The following TENM2 variants were observed in gnomAD, a reference collection of about 807,000 sequenced individuals.
The protein encoded by TENM2 is teneurin transmembrane protein 2.
A neutral mutation model predicts 245.2 loss-of-function variants in TENM2; 52 were observed. The observed-to-expected ratio is 0.21, with a 90% confidence interval of 0.17 to 0.27. TENM2 has a LOEUF of 0.27. TENM2 is among the 10% of genes least tolerant of loss of function. The pLI, the probability that TENM2 is intolerant of heterozygous loss-of-function variation, is 1.00. For missense variants in TENM2, 3,046 were observed against 3,666.8 expected, an observed-to-expected ratio of 0.83 and a Z score of 4.37; for synonymous variants, 1,363 against 1,438.9, an observed-to-expected ratio of 0.95 and a Z score of 1.19.
the TENM2 span, among the ~76,000 whole-genome samples, chr5:167,181,664 CA>C: frequency 1.3e-5 from 2 of 151,884 alleles, no homozygotes; most frequent in South Asian, 4.1e-4. Flanking sequence ...CTACTTTTTG[CA>C]AATAAATATA....
chr5:167,433,769 A>G (rs978625929), intron 2 of TENM2, among the ~76,000 whole-genome samples: 3 of 152,232 alleles, frequency 2.0e-5, no homozygotes, highest in East Asian at 1.9e-4. Context: ...GATAAACTCT[A>G]AGAAACATTT....
At chr5:168,048,469 A>C (rs1788804758) in intron 6 of TENM2, among the ~76,000 whole-genome samples, 2 of 152,242 alleles carry the variant, frequency 1.3e-5, no homozygotes, top group African/African-American at 4.8e-5. Context: ...AGCAGCATTT[A>C]TTAGGCACCT....
At chr5:167,214,697 A>G in the TENM2 span, among the ~76,000 whole-genome samples, 40 of 152,302 alleles carry the variant, frequency 2.6e-4, no homozygotes, top group African/African-American at 8.9e-4. Flanking sequence ...CTGGGATTAG[A>G]TTAGAGATTG....
chr5:168,002,750 GTTAA>G (rs1469933051), intron 5 of TENM2, among the ~76,000 whole-genome samples: 9 of 152,184 alleles, frequency 5.9e-5, no homozygotes, highest in African/African-American at 1.9e-4. Flanking sequence ...TTAATTTTAT[GTTAA>G]TTAATTTACA....
At position 167,375,189 on chromosome 5, in the gene TENM2, T is replaced by C; in HGVS notation, c.227-9T>C. 6.5e-7 allele frequency: 1 copy of C among 1,549,626 alleles called. No individual in the cohort carries two copies. The highest frequency in any genetic ancestry group is 8.7e-7 in the Non-Finnish European group (1 of 1,146,494). Reference sequence around the variant, plus strand: ...ATTTTAATCAGCTTCTCTGTCACTGTCACCCTAGGAACCAACTTCACCCTT... The same window carrying C: ...ATTTTAATCAGCTTCTCTGTCACTGCCACCCTAGGAACCAACTTCACCCTT... On this transcript the variant is annotated splice_polypyrimidine_tract_variant and intron_variant, in intron 1 of 28. Coordinates refer to ENST00000518659, the Ensembl canonical transcript of TENM2.
intron 2 of TENM2, among the ~76,000 whole-genome samples, chr5:167,735,326 C>G (rs1254513411): frequency 1.3e-5 from 2 of 152,188 alleles, no homozygotes; most frequent in African/African-American, 4.8e-5. Flanking sequence ...TAGTGACCTG[C>G]TTGGTAAAGA....
chr5:168,194,267 A>AAT (rs1761195487), intron 14 of TENM2, among the ~76,000 whole-genome samples: 1 of 152,148 alleles, frequency 6.6e-6, no homozygotes, highest in Non-Finnish European at 1.5e-5. Context: ...TTTCTCTGTG[A>AAT]AGTCAAGAGA....
intron 12 of TENM2, among the ~76,000 whole-genome samples, chr5:168,142,682 G>A (rs1332797811): frequency 2.6e-5 from 4 of 152,174 alleles, no homozygotes; most frequent in Non-Finnish European, 4.4e-5. Flanking sequence ...CTTTTACTTT[G>A]TTTTTCCTCC....
chr5:167,242,083 C>T, the TENM2 span, among the ~76,000 whole-genome samples: 4 of 129,760 alleles, frequency 3.1e-5, no homozygotes, highest in East Asian at 4.4e-4. Flanking sequence ...TTGCTCTTGT[C>T]GCTCAGACTA....
chr5:167,398,827 C>T (rs1270922427), intron 2 of TENM2, among the ~76,000 whole-genome samples: 3 of 152,080 alleles, frequency 2.0e-5, no homozygotes, highest in Admixed American at 6.6e-5. Flanking sequence ...GTGCCTGGCA[C>T]GTAGTAAACA....
At chr5:167,950,914 A>G (rs1472016634) in intron 3 of TENM2, among the ~76,000 whole-genome samples, 1 of 152,248 alleles carries the variant, frequency 6.6e-6, no homozygotes, top group African/African-American at 2.4e-5. Context: ...TTTAAAATCT[A>G]TACAACTGTA....
chr5:167,996,831 C>CG (rs755211917), intron 5 of TENM2, among the ~76,000 whole-genome samples: 7 of 152,130 alleles, frequency 4.6e-5, no homozygotes, highest in Non-Finnish European at 8.8e-5. Context: ...CTCTGCCTCC[C>CG]GGGTTCAAGT....
At chr5:168,148,595 G>C (rs1756326350) in intron 12 of TENM2, among the ~76,000 whole-genome samples, 1 of 152,190 alleles carries the variant, frequency 6.6e-6, no homozygotes, top group African/African-American at 2.4e-5. Context: ...ACGTGGATGG[G>C]ATGGGTAAGT....
At chr5:167,260,266 T>A in the TENM2 span, among the ~76,000 whole-genome samples, 1 of 152,122 alleles carries the variant, frequency 6.6e-6, no homozygotes, top group African/African-American at 2.4e-5. Flanking sequence ...AGCAGTAGAA[T>A]TAGCATTGTT....
At position 168,031,436 on chromosome 5, in the gene TENM2, G is replaced by A. The variant is rs115982429; in HGVS notation, c.1187-15991G>A. On this transcript the variant is annotated intron_variant, in intron 5 of 28. Transcript: ENST00000518659. The stretch of plus-strand genomic sequence containing the variant: ...TCTCCAGACAGACCATATTCCTTCT[G>A]GACAGTTCACACAATAATTGCTCTT... Among the ~76,000 whole-genome samples the A allele has an allele frequency of 7.8e-3, 1,190 of 152,230 alleles. 13 individuals are homozygous for A. Among genetic ancestry groups the A allele is most frequent in the Non-Finnish European group, 9.2e-3 (623 of 68,020 alleles).
At chr5:168,042,962 T>C (rs1788321925) in intron 5 of TENM2, among the ~76,000 whole-genome samples, 1 of 152,186 alleles carries the variant, frequency 6.6e-6, no homozygotes, top group Non-Finnish European at 1.5e-5. Flanking sequence ...CCCGAGGGTC[T>C]CTCTGAAGCG....
chr5:168,200,199 T>C (rs754538469), intron 17 of TENM2, 68 bp downstream of exon 19: 119 of 1,448,820 alleles, frequency 8.2e-5, no homozygotes, highest in Non-Finnish European at 9.8e-5. Flanking sequence ...CCCATATTTA[T>C]TGAGTTCCGA....
intron 10 of TENM2, among the ~76,000 whole-genome samples, chr5:168,119,123 G>A (rs944282481): frequency 6.6e-6 from 1 of 152,192 alleles, no homozygotes; most frequent in Non-Finnish European, 1.5e-5. Context: ...ACCATGTAGG[G>A]CAAATTAGCT....
At chr5:167,711,285 A>G (rs1758889389) in intron 2 of TENM2, among the ~76,000 whole-genome samples, 1 of 152,242 alleles carries the variant, frequency 6.6e-6, no homozygotes, top group African/African-American at 2.4e-5. Flanking sequence ...GGAATATGGG[A>G]GAAGAAGGCA....
Sources: gnomAD v4.1 joint callset for allele counts (sites outside exome capture counted in the v4.1 genomes callset) on GRCh38, gnomAD v4.1.1 for gene constraint, MANE v1.5 for transcripts, NCBI Gene and HGNC (gene_info 2026-07-23, HGNC 2026-07-21) for gene names.